Variants in BORCS5 observed in about 807,000 individuals in gnomAD.
BORCS5 encodes the protein BLOC-1-related complex subunit 5.
In BORCS5, 17 loss-of-function variants were observed where a neutral mutation model predicts 22.1. The observed-to-expected ratio is 0.77, with a 90% CI of 0.53 to 1.15. BORCS5 has a LOEUF of 1.15. Among genes scored for constraint, BORCS5 ranks in the 50% most tolerant of loss-of-function variants. BORCS5 has a pLI of 0.00. For synonymous variants in BORCS5, 117 were observed against 99.8 expected (o/e 1.17, Z -1.03); for missense variants, 247 against 253.2 (o/e 0.98, Z 0.17).
chr12:12,419,411 A>G (rs1374680731), intron 2 of BORCS5, among the ~76,000 whole-genome samples: 2 of 152,166 alleles, frequency 1.3e-5, no homozygotes, highest in Non-Finnish European at 2.9e-5. Context: ...TCCATGGTGT[A>G]TATGTGCCAC....
chr12:12,412,185 A>G (rs1209823604), intron 2 of BORCS5, among the ~76,000 whole-genome samples: 1 of 152,188 alleles, frequency 6.6e-6, no homozygotes, highest in African/African-American at 2.4e-5. Flanking sequence ...TAGGGATTGC[A>G]TTGAACCTGT....
chr12:12,443,620 C>T (rs535670943), intron 3 of BORCS5, among the ~76,000 whole-genome samples: 1 of 152,246 alleles, frequency 6.6e-6, no homozygotes, highest in Non-Finnish European at 1.5e-5. Flanking sequence ...AGGGCCGAAT[C>T]TAGTTTATTA....
chr12:12,407,342 T>G (rs1941616078), intron 2 of BORCS5, among the ~76,000 whole-genome samples: 1 of 152,126 alleles, frequency 6.6e-6, no homozygotes, highest in South Asian at 2.1e-4. Context: ...ATTTATTCTT[T>G]CCTTTGTTTA....
chr12:12,409,756 G>T (rs1941681004), intron 2 of BORCS5, among the ~76,000 whole-genome samples: 1 of 151,868 alleles, frequency 6.6e-6, no homozygotes, highest in South Asian at 2.1e-4. Context: ...GTAATGGGAT[G>T]GCTGGGTCAA....
At chr12:12,392,045 CAAAAAAAAAAA>C (rs61408318) in intron 2 of BORCS5, among the ~76,000 whole-genome samples, 4 of 66,860 alleles carry the variant, frequency 6.0e-5, no homozygotes, top group African/African-American at 6.0e-5. Context: ...GACTTCATTT[CAAAAAAAAAAA>C]AAAAAAAAAA....
At chr12:12,445,186 G>T (rs1380959241) in intron 3 of BORCS5, among the ~76,000 whole-genome samples, 1 of 152,050 alleles carries the variant, frequency 6.6e-6, no homozygotes, top group African/African-American at 2.4e-5. Context: ...CAGGACTACA[G>T]GTGTGCCACC....
chr12:12,375,223 A>G (rs7963688), intron 2 of BORCS5, among the ~76,000 whole-genome samples: 137,621 of 152,182 alleles, frequency 0.9, 62,291 homozygotes, highest in East Asian at 0.99. Flanking sequence ...ATGTTGGCCA[A>G]GCTGGTCTCA....
chr12:12,357,219 T>G lies in BORCS5; in HGVS notation c.-233T>G. 6.7e-7 allele frequency: 1 copy of G among 1,482,830 alleles called. No individual in the cohort carries two copies. Among genetic ancestry groups the G allele is most frequent in the Non-Finnish European group, 8.9e-7 (1 of 1,120,052 alleles). 91.9% of individuals were successfully genotyped at this position (1,482,830 alleles called of 1,614,324 possible). ...CCGGAAAGAAGGAGGGCTAGCCGCG[T>G]GCGTTCGCGCCGCGCCTCCTTGCGT... On this transcript the variant is annotated 5_prime_UTR_variant, in exon 1 of 4. Coordinates refer to ENST00000314565, the MANE Select transcript of BORCS5 (RefSeq NM_058169.6).
chr12:12,420,621 T>G (rs1942092295), intron 2 of BORCS5, among the ~76,000 whole-genome samples: 1 of 152,234 alleles, frequency 6.6e-6, no homozygotes. Flanking sequence ...ATTGAATCTA[T>G]AAATTACTTT....
At chr12:12,447,852 C>A (rs991751560) in intron 3 of BORCS5, among the ~76,000 whole-genome samples, 3 of 152,206 alleles carry the variant, frequency 2.0e-5, no homozygotes, top group African/African-American at 7.2e-5. Context: ...CTCTTTAATT[C>A]TGGACATCGG....
intron 3 of BORCS5, among the ~76,000 whole-genome samples, chr12:12,458,610 G>T (rs1943041508): frequency 7.4e-6 from 1 of 135,052 alleles, no homozygotes. Context: ...AGACAGTCTC[G>T]CTCCGTCACC....
chr12:12,387,399 T>A (rs112411357), intron 2 of BORCS5, among the ~76,000 whole-genome samples: 4,175 of 151,644 alleles, frequency 0.028, 205 homozygotes, highest in Middle Eastern at 0.055. Flanking sequence ...TATCTGAGCA[T>A]TTCCATTTCA....
At chr12:12,371,656 T>G (rs1023483917) in intron 2 of BORCS5, among the ~76,000 whole-genome samples, 3 of 152,238 alleles carry the variant, frequency 2.0e-5, no homozygotes, top group Non-Finnish European at 4.4e-5. Context: ...TTCTTTGATC[T>G]GCAGGTTTGT....
intron 2 of BORCS5, among the ~76,000 whole-genome samples, chr12:12,400,716 C>A (rs1941452173): frequency 6.6e-6 from 1 of 152,100 alleles, no homozygotes; most frequent in Non-Finnish European, 1.5e-5. Context: ...TAAACAACGC[C>A]CCCTCCCCAT....
At chr12:12,359,488 A>C (rs992161826) in intron 1 of BORCS5, among the ~76,000 whole-genome samples, 1 of 151,614 alleles carries the variant, frequency 6.6e-6, no homozygotes, top group Non-Finnish European at 1.5e-5. Flanking sequence ...CAGCCTCCCA[A>C]GTAGCTGGGA....
intron 3 of BORCS5, among the ~76,000 whole-genome samples, chr12:12,447,218 C>A (rs1942807249): frequency 6.6e-6 from 1 of 152,174 alleles, no homozygotes; most frequent in Non-Finnish European, 1.5e-5. Flanking sequence ...CCTGAAATGT[C>A]CAGCCTCCAC....
rs774120263 is a variant in BORCS5, at chr12:12,357,428, T to G, written c.-24T>G. 2.0e-5 allele frequency: 32 copies of G among 1,603,664 alleles called. No individual in the cohort carries two copies. The highest frequency in any genetic ancestry group is 2.4e-5 in the Non-Finnish European group (28 of 1,172,526). On this transcript the variant is annotated 5_prime_UTR_variant, in exon 1 of 4. Transcript: ENST00000314565. ...CGGTGACCGCCCGGCCCGCCGTTCT[T>G]CTGCTGCCACCGCTGTCGGCACCAT...
In BORCS5 at chr12:12,421,261, C is replaced by T. The variant is rs150699969; in HGVS notation, c.203-14367C>T. On this transcript the variant is annotated intron_variant, in intron 2 of 3. Transcript: ENST00000314565. ...TTTATTGAGAGTTTTTAGCATGAAG[C>T]GCTGTTGAATTTTGTTGAAGGCCTT... Among the ~76,000 whole-genome samples the T allele has an allele frequency of 2.8e-3, 423 of 152,086 alleles. 1 individual carries two copies. The highest frequency in any genetic ancestry group is 8.4e-3 in the African/African-American group (347 of 41,502).
At chr12:12,367,239 A>G (rs550190563) in intron 2 of BORCS5, among the ~76,000 whole-genome samples, 1 of 152,336 alleles carries the variant, frequency 6.6e-6, no homozygotes, top group East Asian at 1.9e-4. Flanking sequence ...TCAAATGACC[A>G]GTTTCTTCAC....
Sources: allele counts gnomAD v4.1 joint callset (sites outside exome capture counted in the v4.1 genomes callset), GRCh38; gene constraint gnomAD v4.1.1; transcripts MANE v1.5; gene names NCBI Gene and HGNC (gene_info 2026-07-23, HGNC 2026-07-21).